Variants in MIOS observed in about 807,000 individuals in gnomAD.
The protein encoded by MIOS is GATOR2 complex protein MIOS.
In MIOS, 52 loss-of-function variants were observed where a neutral mutation model predicts 96.9. The ratio of observed to expected loss-of-function variants is 0.54; its 90% CI spans 0.43 to 0.68. The LOEUF (loss-of-function observed/expected upper bound fraction) is 0.68, where lower values mean the gene tolerates loss of function less well. Among genes scored for constraint, MIOS ranks in the 30% least tolerant of loss-of-function variants. MIOS has a pLI of 0.00. For missense variants in MIOS, 1,005 were observed against 1,052.8 expected (o/e 0.95, Z 0.63); for synonymous variants, 397 against 359.5 (o/e 1.10, Z -1.18).
intron 10 of MIOS, among the ~76,000 whole-genome samples, chr7:7,595,999 T>C (rs1333549011): frequency 6.6e-6 from 1 of 152,166 alleles, no homozygotes; most frequent in East Asian, 1.9e-4. Context: ...TTCTAAAATG[T>C]TGGAGTCTAA....
chr7:7,583,065 C>T (rs4720741), intron 5 of MIOS, 53 bp from the exon 6 acceptor site: 1,485,852 of 1,527,392 alleles, frequency 0.97, 723,035 homozygotes, highest in East Asian at 1. Flanking sequence ...AACTGACTTA[C>T]TTTCCAAATA....
chr7:7,573,763 C>G lies in MIOS; in HGVS notation c.1288C>G (p.Leu430Val), dbSNP rs1443899742. Residue 430 changes from leucine to valine, a missense_variant, in exon 4 of 13, where the codon CTG (leucine) becomes GTG (valine). Physicochemically the swap from Leu to Val is conservative, Grantham distance 32. This residue lies in a region of MIOS where 865 missense variants were observed against 887.9 expected (regional missense o/e 0.97). Coordinates refer to ENST00000340080, the MANE Select transcript of MIOS (RefSeq NM_019005.4). This position sits in a 1 kb window ranked among gnomAD's most constrained non-coding sequence, Gnocchi z 5.0. ...DPQLKSLWYTLHFMKQYTEDM... is the reference protein window; with the variant it reads ...DPQLKSLWYTVHFMKQYTEDM... ...ACAGCTCAAGTCACTCTGGTATACT[C>G]TGCACTATATCCTTTTCATTGTGAA... 5.0e-6 allele frequency: 8 copies of G among 1,586,804 alleles called. No homozygotes were observed. The highest frequency in any genetic ancestry group is 6.9e-6 in the Non-Finnish European group (8 of 1,167,382).
intron 11 of MIOS, among the ~76,000 whole-genome samples, chr7:7,597,553 G>C (rs1457691765): frequency 8.1e-6 from 1 of 123,834 alleles, no homozygotes; most frequent in Non-Finnish European, 1.7e-5. Context: ...GTACATTTTA[G>C]TTTTGATTTA....
At chr7:7,592,305 G>T (rs1784072829) in intron 9 of MIOS, among the ~76,000 whole-genome samples, 1 of 152,162 alleles carries the variant, frequency 6.6e-6, no homozygotes, top group South Asian at 2.1e-4. Flanking sequence ...TGTTGATTCT[G>T]TTGACTTATT....
intron 3 of MIOS, among the ~76,000 whole-genome samples, chr7:7,569,837 G>A (rs1300922983): frequency 1.3e-5 from 2 of 152,232 alleles, no homozygotes; most frequent in Admixed American, 1.3e-4. Flanking sequence ...GCTCTAACCA[G>A]AGGAAACATC....
At chr7:7,595,305 A>G (rs17524233) in intron 10 of MIOS, among the ~76,000 whole-genome samples, 173 bp downstream of exon 10, 5,050 of 152,298 alleles carry the variant, frequency 0.033, 167 homozygotes, top group African/African-American at 0.079. Flanking sequence ...CTTGCTAACA[A>G]TCATCTCAGT....
chr7:7,574,883 C>G (rs1330889301), intron 5 of MIOS, among the ~76,000 whole-genome samples: 1 of 151,856 alleles, frequency 6.6e-6, no homozygotes, highest in Non-Finnish European at 1.5e-5. Context: ...ATACCTTATC[C>G]AAAATGGCTT....
chr7:7,574,273 G>T, intron 5 of MIOS, 77 bp downstream of exon 5: 1 of 1,020,440 alleles, frequency 9.8e-7, no homozygotes, highest in Non-Finnish European at 1.4e-6. Context: ...TCATTTGGCA[G>T]AAATTATCTA....
At chr7:7,590,000 T>A (rs967642102) in intron 9 of MIOS, among the ~76,000 whole-genome samples, 6 of 152,212 alleles carry the variant, frequency 3.9e-5, no homozygotes, top group Non-Finnish European at 8.8e-5. Flanking sequence ...GGGTAACCAA[T>A]TTATCCATAT....
chr7:7,583,039 A>T lies in MIOS; in HGVS notation c.1394-79A>T, dbSNP rs895042122. The T allele has an allele frequency of 4.3e-6, 6 of 1,406,484 alleles. No homozygotes were observed. The African/African-American group carries it at 4.4e-5, about 10-fold the overall frequency. 87.1% of individuals were successfully genotyped at this position (1,406,484 alleles called of 1,614,324 possible). ...GAAGTTAAATATTCTAAATGTGTCA[A>T]CATAGTTCTCTGTAAAACTGACTTA... On this transcript the variant is annotated intron_variant, in intron 5 of 12. Coordinates refer to ENST00000340080, the MANE Select transcript of MIOS (RefSeq NM_019005.4).
intron 11 of MIOS, 152 bp from the exon 12 acceptor site, chr7:7,605,790 G>T: frequency 3.2e-6 from 2 of 634,208 alleles, no homozygotes; most frequent in Non-Finnish European, 4.9e-6. Flanking sequence ...ATTCAGTTTC[G>T]CTTCATCTAA....
In MIOS at chr7:7,583,156, G is replaced by C; in HGVS notation, c.1432G>C (p.Asp478His). ...CAGCAGACATAATTGGAGTGGGTTGGATAAGCAAAGTGATATTCAAAATTT... is the reference window on the plus strand; with the variant it reads ...CAGCAGACATAATTGGAGTGGGTTGCATAAGCAAAGTGATATTCAAAATTT... Reference protein sequence around the residue: ...ESSRHNWSGLDKQSDIQNLNE... With the variant: ...ESSRHNWSGLHKQSDIQNLNE... The change falls in exon 6 of 13, where the codon GAT becomes CAT. Residue 478 changes from aspartate to histidine, a missense_variant. By Grantham distance (81) the Asp-to-His change is moderately conservative. Coordinates refer to ENST00000340080, the MANE Select transcript of MIOS (RefSeq NM_019005.4). The C allele has an allele frequency of 6.2e-7, 1 of 1,614,054 alleles. No homozygotes were observed.
At chr7:7,595,191 G>C in intron 10 of MIOS, 59 bp downstream of exon 10, 1 of 1,538,984 alleles carries the variant, frequency 6.5e-7, no homozygotes, top group Non-Finnish European at 8.8e-7. Context: ...AATTTAATAA[G>C]TTACTATTAG....
chr7:7,572,583 A>C lies in MIOS; in HGVS notation c.108A>C (p.Ser36=), dbSNP rs1309010470. The change falls in exon 4 of 13, where the codon TCA becomes TCC. Residue 36 remains serine, a synonymous_variant. Transcript: ENST00000340080. The surrounding 1 kb of genome is among the most constrained non-coding windows in gnomAD (Gnocchi z 4.8). ...ATCATGTGGAATCTACTGTGAATTC[A>C]GAACTCAAAGCTGGATCTTTACGTT... ...SLYHVESTVN[S]ELKAGSLRLS... is the part of the protein sequence containing the mutation. 6.2e-7 allele frequency: 1 copy of C among 1,614,150 alleles called. No individual in the cohort carries two copies. The highest frequency in any genetic ancestry group is 1.7e-5 in the Admixed American group (1 of 60,028).
chr7:7,600,236 TCCAAA>T (rs1209662270), intron 11 of MIOS, among the ~76,000 whole-genome samples: 4 of 151,966 alleles, frequency 2.6e-5, no homozygotes, highest in African/African-American at 9.7e-5. Context: ...AAAGTCCATT[TCCAAA>T]GTAAAACAGG....
chr7:7,584,530 T>C (rs1783825120), intron 6 of MIOS, among the ~76,000 whole-genome samples: 1 of 152,190 alleles, frequency 6.6e-6, no homozygotes, highest in East Asian at 1.9e-4. Context: ...AATCCAAAGA[T>C]ACTTCTTTGC....
chr7:7,589,406 T>A lies in MIOS; in HGVS notation c.1886T>A (p.Leu629Ter). Residue 629 changes from leucine (L) to a stop codon, truncating the protein, a stop_gained and splice_region_variant, in exon 9 of 13, where the codon TTA (leucine) becomes TAA (stop). Transcript: ENST00000340080. LOFTEE classifies it high-confidence loss of function. ...FACKFLSDTQ[L>*]NRYIEKLTNE... is the part of the protein sequence containing the mutation. ...GAAAAATCACTTTAAATTTTCCAGT[T>A]AAATAGATACATCGAAAAGTTGACC... 6.2e-7 allele frequency: 1 copy of A among 1,612,950 alleles called. No homozygotes were observed. Among genetic ancestry groups the A allele is most frequent in the South Asian group, 1.1e-5 (1 of 90,986 alleles).
rs370267296 is a variant in MIOS at position 7,596,432 on chromosome 7, A to G, written c.2372A>G (p.Asn791Ser). The change falls in exon 11 of 13, where the codon AAT (asparagine) becomes AGT (serine). Residue 791 changes from asparagine (N) to serine (S), a missense_variant. Physicochemically the swap from Asn to Ser is conservative, Grantham distance 46 (BLOSUM62 1). This residue lies in a region of MIOS where 865 missense variants were observed against 887.9 expected (regional missense o/e 0.97). Transcript: ENST00000340080. ...CCTCGATGTGCGCTTTGTCTCATTAATATGGGAACACCAGTTTCTAGCTGT... is the reference window on the plus strand; with the variant it reads ...CCTCGATGTGCGCTTTGTCTCATTAGTATGGGAACACCAGTTTCTAGCTGT... ...PLPRCALCLI[N>S]MGTPVSSCPG... 1.9e-6 allele frequency: 3 copies of G among 1,613,996 alleles called. No individual in the cohort carries two copies. In the African/African-American group the frequency reaches 4.0e-5, roughly 22 times the overall value.
At chr7:7,584,558 T>C (rs1306703600) in intron 6 of MIOS, among the ~76,000 whole-genome samples, 1 of 152,108 alleles carries the variant, frequency 6.6e-6, no homozygotes, top group African/African-American at 2.4e-5. Flanking sequence ...ATTTTTATTT[T>C]AAAAGACCTT....
Sources: gnomAD v4.1 joint callset for allele counts (sites outside exome capture counted in the v4.1 genomes callset) on GRCh38, gnomAD v4.1.1 for gene constraint, gnomAD v4.1.1 regional missense constraint, Gnocchi (gnomAD v3.1) non-coding constraint, MANE v1.5 for transcripts, NCBI Gene and HGNC (gene_info 2026-07-23, HGNC 2026-07-21) for gene names.